The following DLG2 variants were observed in gnomAD, a reference collection of about 807,000 sequenced individuals.
DLG2 encodes discs large MAGUK scaffold protein 2.
Under a neutral mutation model 132.5 loss-of-function variants are expected in DLG2, and 45 were observed. The observed-to-expected ratio is 0.34, with a 90% confidence interval of 0.27 to 0.44. DLG2 has a LOEUF of 0.44. DLG2 is among the 20% of genes least tolerant of loss of function. The pLI is 1.00. For synonymous variants in DLG2, 424 were observed against 419.6 expected, an observed-to-expected ratio of 1.01 and a Z score of -0.13; for missense variants, 1,045 against 1,196.9, an observed-to-expected ratio of 0.87 and a Z score of 1.87.
intron 3 of DLG2, among the ~76,000 whole-genome samples, chr11:85,587,938 C>A (rs575787743): frequency 6.6e-6 from 1 of 152,256 alleles, no homozygotes; most frequent in East Asian, 1.9e-4. Flanking sequence ...ATGACCTTAT[C>A]TCTCCTTCAT....
intron 6 of DLG2, among the ~76,000 whole-genome samples, chr11:85,006,235 T>G (rs572837183): frequency 1.3e-5 from 2 of 152,334 alleles, no homozygotes; most frequent in Non-Finnish European, 2.9e-5. Flanking sequence ...GATGATGCTG[T>G]CCTCATAAAA....
intron 7 of DLG2, among the ~76,000 whole-genome samples, chr11:84,445,136 C>T (rs1448313194): frequency 1.3e-5 from 2 of 152,072 alleles, no homozygotes; most frequent in African/African-American, 4.8e-5. Context: ...TTAATTTTAT[C>T]TTGCTATAGT....
At chr11:84,865,957 ACAGGCTGC>A (rs1276713563) in intron 6 of DLG2, among the ~76,000 whole-genome samples, 1 of 152,224 alleles carries the variant, frequency 6.6e-6, no homozygotes, top group Admixed American at 6.5e-5. Flanking sequence ...AGAATCTGCT[ACAGGCTGC>A]AGCAGCTGCC....
At chr11:84,006,436 G>A (rs940209043) in intron 11 of DLG2, among the ~76,000 whole-genome samples, 1 of 151,280 alleles carries the variant, frequency 6.6e-6, no homozygotes, top group Non-Finnish European at 1.5e-5. Flanking sequence ...CTAGAAGAGA[G>A]GACTTGAATT....
intron 12 of DLG2, among the ~76,000 whole-genome samples, chr11:83,979,051 A>G (rs967622475): frequency 6.6e-5 from 10 of 152,148 alleles, no homozygotes; most frequent in Non-Finnish European, 1.3e-4. Flanking sequence ...ACATTACAAA[A>G]AAGCCCTTTA....
rs60339036 is a variant in DLG2, at chr11:84,877,512, C to CTTTTTTTTTTTTTTTTT, written c.357+234132_357+234148dup. Among the ~76,000 whole-genome samples the CTTTTTTTTTTTTTTTTT allele has an allele frequency of 1.2e-3, 70 of 57,432 alleles. 1 individual carries two copies. The highest frequency in any genetic ancestry group is 2.8e-3 in the South Asian group (3 of 1,062). 37.7% of individuals were successfully genotyped at this position (57,432 alleles called of 152,430 possible). A position where few individuals can be genotyped will look rare whatever the true frequency, so the allele number is the denominator to read the frequency against. ...TCAGAGACTAGGATTGCAACCCCTG[C>CTTTTTTTTTTTTTTTTT]TTTTTTTTTTTTTTTTTTTTTTGCT... is the stretch of plus-strand genomic sequence containing the variant. On this transcript the variant is annotated intron_variant, in intron 6 of 27. Coordinates refer to ENST00000376104, the MANE Select transcript of DLG2 (RefSeq NM_001142699.3).
chr11:85,555,446 AC>A (rs888224287), intron 3 of DLG2, among the ~76,000 whole-genome samples: 6 of 151,894 alleles, frequency 4.0e-5, no homozygotes, highest in African/African-American at 9.7e-5. Flanking sequence ...AGAGAATGAT[AC>A]CCCAACATAT....
intron 4 of DLG2, among the ~76,000 whole-genome samples, chr11:85,278,678 A>G (rs893156105): frequency 6.6e-6 from 1 of 152,154 alleles, no homozygotes; most frequent in Non-Finnish European, 1.5e-5. Flanking sequence ...CTTTACTCAC[A>G]TAGTTTTCTC....
At chr11:85,521,913 GGAGA>G (rs748343954) in intron 3 of DLG2, among the ~76,000 whole-genome samples, 18 of 152,106 alleles carry the variant, frequency 1.2e-4, no homozygotes, top group Non-Finnish European at 2.1e-4. Flanking sequence ...ATAAAAGTTT[GGAGA>G]ATTTGCAGCC....
At position 85,399,817 on chromosome 11, in the gene DLG2, C is replaced by G. The variant is rs2087854513; in HGVS notation, c.41-114452G>C. 2.0e-5 allele frequency among the ~76,000 whole-genome samples: 3 copies of G among 152,058 alleles called. No homozygotes were observed. In the South Asian group the frequency reaches 6.2e-4, roughly 32 times the overall value. On this transcript the variant is annotated intron_variant, in intron 3 of 27. Coordinates refer to ENST00000376104, the MANE Select transcript of DLG2 (RefSeq NM_001142699.3). ...AAAGACTTAAATGTTAGACCTAAAA[C>G]CATAAAAACCCTAGAAGAAAACCTA...
At chr11:85,579,619 G>C (rs569875416) in intron 3 of DLG2, among the ~76,000 whole-genome samples, 1 of 152,172 alleles carries the variant, frequency 6.6e-6, no homozygotes, top group South Asian at 2.1e-4. Flanking sequence ...GAGAGTGAAG[G>C]ACACAAAAGC....
At chr11:85,394,452 G>C (rs1369740260) in intron 3 of DLG2, among the ~76,000 whole-genome samples, 2 of 152,222 alleles carry the variant, frequency 1.3e-5, no homozygotes, top group African/African-American at 4.8e-5. Context: ...CAGCAGGTGA[G>C]TGACAGCAAA....
Position 84,447,462 on chromosome 11 carries a change from T to C in DLG2, c.519+87108A>G, listed in dbSNP as rs371676438. ...TCTTTATAATTCTGTTTAATCATCC[T>C]GTGAGGAAAGTCTACCTTCTTTCTG... On this transcript the variant is annotated intron_variant, in intron 7 of 27. Transcript: ENST00000376104. Among the ~76,000 whole-genome samples the C allele has an allele frequency of 3.0e-4, 46 of 152,310 alleles. No individual in the cohort carries two copies. In the East Asian group the frequency reaches 8.7e-3, roughly 29 times the overall value.
At position 84,784,143 on chromosome 11, in the gene DLG2, C is replaced by CAAAAAAA. The variant is rs59301159; in HGVS notation, c.358-249419_358-249413dup. On this transcript the variant is annotated intron_variant, in intron 6 of 27. Coordinates refer to ENST00000376104, the MANE Select transcript of DLG2 (RefSeq NM_001142699.3). The stretch of plus-strand genomic sequence containing the variant: ...TGAAACCCCATCTCTACTAAAAATG[C>CAAAAAAA]AAAAAAAAAAAAAAAAAAAAAAAAA... Among the ~76,000 whole-genome samples the CAAAAAAA allele has an allele frequency of 1.6e-3, 14 of 8,656 alleles. 3 individuals are homozygous for CAAAAAAA. The highest frequency in any genetic ancestry group is 1.7e-3 in the Non-Finnish European group (9 of 5,216). 5.7% of individuals were successfully genotyped at this position (8,656 alleles called of 152,430 possible). A position where few individuals can be genotyped will look rare whatever the true frequency, so the allele number is the denominator to read the frequency against.
At chr11:84,857,155 G>A (rs188218695) in intron 6 of DLG2, among the ~76,000 whole-genome samples, 1 of 151,912 alleles carries the variant, frequency 6.6e-6, no homozygotes, top group East Asian at 2.0e-4. Context: ...ACAATGAAGT[G>A]AAGCAAATAT....
chr11:84,792,045 T>G (rs1424739138), intron 6 of DLG2, among the ~76,000 whole-genome samples: 4 of 152,202 alleles, frequency 2.6e-5, no homozygotes, highest in Non-Finnish European at 5.9e-5. Context: ...TTTTTCCCCA[T>G]TCATTATGAT....
intron 3 of DLG2, among the ~76,000 whole-genome samples, chr11:85,445,941 A>T (rs946052614): frequency 1.1e-4 from 17 of 152,202 alleles, no homozygotes; most frequent in Admixed American, 3.3e-4. Flanking sequence ...TAATCTACAG[A>T]TGAGAAATTT....
chr11:84,605,925 C>T (rs1490245828), intron 6 of DLG2, among the ~76,000 whole-genome samples: 1 of 152,044 alleles, frequency 6.6e-6, no homozygotes, highest in Non-Finnish European at 1.5e-5. Context: ...AATTCTGCTT[C>T]TCTCCAGGAA....
intron 6 of DLG2, among the ~76,000 whole-genome samples, chr11:84,569,213 C>A (rs1331759100): frequency 6.6e-6 from 1 of 152,148 alleles, no homozygotes; most frequent in Non-Finnish European, 1.5e-5. Context: ...GCTGGTCCTT[C>A]CAGAATCACA....
Sources: gnomAD v4.1 joint callset for allele counts (sites outside exome capture counted in the v4.1 genomes callset) on GRCh38, gnomAD v4.1.1 for gene constraint, MANE v1.5 for transcripts, NCBI Gene and HGNC (gene_info 2026-07-23, HGNC 2026-07-21) for gene names.